The following LGR6 variants were observed in gnomAD, a reference collection of about 807,000 sequenced individuals.
LGR6 encodes leucine rich repeat containing G protein-coupled receptor 6.
Under a neutral mutation model 69.4 loss-of-function variants are expected in LGR6, and 45 were observed. The ratio of observed to expected loss-of-function variants is 0.65; its 90% CI spans 0.51 to 0.83. The LOEUF (loss-of-function observed/expected upper bound fraction) is 0.83, where lower values mean the gene tolerates loss of function less well. Among genes scored for constraint, LGR6 ranks in the 40% least tolerant of loss-of-function variants. The probability of loss-of-function intolerance (pLI) is 0.00; values close to 1 mark genes in which losing one functional copy is unlikely to be tolerated. For synonymous variants in LGR6, 538 were observed against 555.0 expected, an observed-to-expected ratio of 0.97 and a Z score of 0.43; for missense variants, 1,108 against 1,246.7, an observed-to-expected ratio of 0.89 and a Z score of 1.68.
chr1:202,240,371 C>T (rs1662078942), intron 4 of LGR6, among the ~76,000 whole-genome samples: 1 of 142,880 alleles, frequency 7.0e-6, no homozygotes, highest in Admixed American at 7.0e-5. Flanking sequence ...AAGACTCCAT[C>T]TCAGAAAAAA....
At chr1:202,228,859 T>C (rs532537327) in intron 3 of LGR6, among the ~76,000 whole-genome samples, 1 of 152,274 alleles carries the variant, frequency 6.6e-6, no homozygotes, top group Admixed American at 6.5e-5. Flanking sequence ...AGCAACAGAA[T>C]GAGCATTTGG....
At chr1:202,242,539 G>A (rs948348241) in intron 4 of LGR6, among the ~76,000 whole-genome samples, 1 of 152,168 alleles carries the variant, frequency 6.6e-6, no homozygotes, top group African/African-American at 2.4e-5. Flanking sequence ...TTCCTAATGG[G>A]GTTACTGGCT....
At chr1:202,303,453 T>A (rs1667754909) in intron 10 of LGR6, 106 bp downstream of exon 10, 2 of 859,710 alleles carry the variant, frequency 2.3e-6, no homozygotes, top group Non-Finnish European at 3.9e-6. Flanking sequence ...TGCTTCCCTT[T>A]TATCCAGCCT....
chr1:202,258,441 TTTA>T (rs1663960199), intron 4 of LGR6, among the ~76,000 whole-genome samples: 1 of 152,026 alleles, frequency 6.6e-6, no homozygotes, highest in South Asian at 2.1e-4. Flanking sequence ...TCCTACAAGA[TTTA>T]TTATTTCTCT....
chr1:202,263,613 A>G (rs1323714370), intron 4 of LGR6, among the ~76,000 whole-genome samples: 1 of 152,092 alleles, frequency 6.6e-6, no homozygotes, highest in Non-Finnish European at 1.5e-5. Context: ...TGTGGTGGGT[A>G]CTTGTGGACC....
chr1:202,259,929 C>G (rs1024704875), intron 4 of LGR6, among the ~76,000 whole-genome samples: 1 of 152,260 alleles, frequency 6.6e-6, no homozygotes, highest in African/African-American at 2.4e-5. Flanking sequence ...CCTGCGCTGC[C>G]TGTTGTCCAA....
At chr1:202,199,382 C>T (rs372011432) in intron 1 of LGR6, among the ~76,000 whole-genome samples, 14 of 152,010 alleles carry the variant, frequency 9.2e-5, no homozygotes, top group African/African-American at 2.9e-4. Context: ...CCCGGGGGGT[C>T]GCCGGAGGTG....
intron 7 of LGR6, among the ~76,000 whole-genome samples, chr1:202,299,823 AAAAG>A (rs1434172333): frequency 2.0e-5 from 3 of 152,188 alleles, no homozygotes; most frequent in Non-Finnish European, 2.9e-5. Context: ...CTTCCAAAGA[AAAAG>A]AGAGGGAAGG....
In LGR6 at chr1:202,271,808, CAAAAAAAA is replaced by C. The variant is rs754922941; in HGVS notation, c.429-4484_429-4477del. On this transcript the variant is annotated intron_variant, in intron 4 of 17. Coordinates refer to ENST00000367278, the MANE Select transcript of LGR6 (RefSeq NM_001017403.2). Reference sequence around the variant, plus strand: ...GGGCAATAAGAGTGAAACTCTGTCTCAAAAAAAAAAAAAAAAAAAAAGAGAGAGGGGAG... The same window carrying C: ...GGGCAATAAGAGTGAAACTCTGTCTCAAAAAAAAAAAAAGAGAGAGGGGAG... Among the ~76,000 whole-genome samples, 16 of 88,452 alleles carry C rather than the reference CAAAAAAAA, an allele frequency of 1.8e-4. No homozygotes were observed. The South Asian group carries it at 7.0e-3, about 39-fold the overall frequency. 58.0% of individuals were successfully genotyped at this position (88,452 alleles called of 152,430 possible).
chr1:202,269,076 T>C (rs1664894798), intron 4 of LGR6, among the ~76,000 whole-genome samples: 2 of 152,172 alleles, frequency 1.3e-5, no homozygotes, highest in South Asian at 4.1e-4. Context: ...GGCTAACTTT[T>C]AAATTTTTTT....
At chr1:202,252,576 A>G (rs145410229) in intron 4 of LGR6, among the ~76,000 whole-genome samples, 171 of 152,318 alleles carry the variant, frequency 1.1e-3, no homozygotes, top group African/African-American at 3.8e-3. Flanking sequence ...AGAGTCTGCC[A>G]GCAACTACCT....
At chr1:202,297,228 G>A (rs1667224925) in intron 6 of LGR6, among the ~76,000 whole-genome samples, 1 of 152,158 alleles carries the variant, frequency 6.6e-6, no homozygotes, top group African/African-American at 2.4e-5. Flanking sequence ...AGTTGGCAGG[G>A]TCTATTCTGA....
intron 1 of LGR6, chr1:202,214,100 G>A: frequency 3.5e-6 from 5 of 1,414,148 alleles, no homozygotes; most frequent in African/African-American, 1.5e-5. Flanking sequence ...GGATCAGCGC[G>A]GAGGGTGGCG....
chr1:202,280,936 A>G, intron 6 of LGR6, 84 bp downstream of exon 6: 1 of 1,287,850 alleles, frequency 7.8e-7, no homozygotes, highest in Non-Finnish European at 1.1e-6. Flanking sequence ...ACACAGAGGG[A>G]AGAGCCAGCA....
rs377488466 is a variant in LGR6 at position 202,318,644 on chromosome 1, G to A, written c.2341G>A (p.Ala781Thr). Residue 781 changes from alanine to threonine, a missense_variant, in exon 18 of 18, where the codon GCA becomes ACA. By Grantham distance (58) the Ala-to-Thr change is moderately conservative (BLOSUM62 0). Coordinates refer to ENST00000367278, the MANE Select transcript of LGR6 (RefSeq NM_001017403.2). The stretch of plus-strand genomic sequence containing the variant: ...GAGGCACGTGGCCTGGCTCATCTTC[G>A]CAGACGGGCTCCTCTACTGTCCCGT... ...MVRHVAWLIFADGLLYCPVAF... is the reference protein window; with the variant it reads ...MVRHVAWLIFTDGLLYCPVAF... 25 of 1,613,618 alleles carry A rather than the reference G, an allele frequency of 1.5e-5. No homozygotes were observed. The highest frequency in any genetic ancestry group is 2.7e-5 in the African/African-American group (2 of 74,916).
At position 202,223,100 on chromosome 1, in the gene LGR6, G is replaced by GA. The variant is rs35555386; in HGVS notation, c.213-2314dup. 9.9e-5 allele frequency among the ~76,000 whole-genome samples: 15 copies of GA among 151,606 alleles called. 1 individual carries two copies. Among genetic ancestry groups the GA allele is most frequent in the African/African-American group, 2.9e-4 (12 of 41,178 alleles). On this transcript the variant is annotated intron_variant, in intron 1 of 17. Coordinates refer to ENST00000367278, the MANE Select transcript of LGR6 (RefSeq NM_001017403.2). Reference sequence around the variant, plus strand: ...TGGGTGACAACAGTGAAACTCTGGGGAAAAAAAAATCCATCAACAAACTCT... The same window carrying GA: ...TGGGTGACAACAGTGAAACTCTGGGGAAAAAAAAAATCCATCAACAAACTCT...
chr1:202,273,987 A>C (rs941286517), intron 4 of LGR6, among the ~76,000 whole-genome samples: 1 of 152,276 alleles, frequency 6.6e-6, no homozygotes. Flanking sequence ...ATCTGGGACT[A>C]AGATGCTGCT....
intron 4 of LGR6, among the ~76,000 whole-genome samples, chr1:202,252,260 T>A (rs1663326486): frequency 6.6e-6 from 1 of 152,176 alleles, no homozygotes; most frequent in Non-Finnish European, 1.5e-5. Context: ...TGGCTTAAGC[T>A]GTTTCTCAGA....
intron 6 of LGR6, among the ~76,000 whole-genome samples, chr1:202,294,088 G>A (rs17437316): frequency 0.065 from 9,953 of 152,246 alleles, 432 homozygotes; most frequent in Non-Finnish European, 0.1. Flanking sequence ...TCTTAAGGAC[G>A]TTCCCCCAAA....
Sources: gnomAD v4.1 joint callset for allele counts (sites outside exome capture counted in the v4.1 genomes callset) on GRCh38, gnomAD v4.1.1 for gene constraint, MANE v1.5 for transcripts, NCBI Gene and HGNC (gene_info 2026-07-23, HGNC 2026-07-21) for gene names.